Variants in KDR observed in about 807,000 individuals in gnomAD.
KDR encodes kinase insert domain receptor, also known as vascular endothelial growth factor receptor 2.
In KDR, 43 loss-of-function variants were observed where a neutral mutation model predicts 160.9. The observed-to-expected ratio is 0.27, with a 90% confidence interval of 0.21 to 0.34. The LOEUF (loss-of-function observed/expected upper bound fraction) is 0.34. KDR is among the 10% of genes least tolerant of loss of function. KDR has a pLI of 1.00. For synonymous variants in KDR, 617 were observed against 600.1 expected (o/e 1.03, Z -0.41); for missense variants, 1,469 against 1,666.4 (o/e 0.88, Z 2.06).
intron 22 of KDR, chr4:55,092,386 C>A: frequency 1.9e-6 from 1 of 528,896 alleles, no homozygotes; most frequent in South Asian, 2.0e-5. Context: ...CAGAAGACTG[C>A]CTCACACTTA....
intron 11 of KDR, 23 bp from the exon 12 acceptor site, chr4:55,105,963 C>T: frequency 1.3e-6 from 2 of 1,495,330 alleles, no homozygotes; most frequent in Non-Finnish European, 1.9e-6. Flanking sequence ...AAAACAAATC[C>T]CAGGCCATAA....
intron 1 of KDR, among the ~76,000 whole-genome samples, chr4:55,123,528 A>G (rs1720950378): frequency 6.6e-6 from 1 of 152,220 alleles, no homozygotes; most frequent in Non-Finnish European, 1.5e-5. Context: ...TATTCTAGAG[A>G]CACGTTTACA....
chr4:55,082,505 T>C, intron 28 of KDR, 31 bp downstream of exon 28: 1 of 1,463,392 alleles, frequency 6.8e-7, no homozygotes, highest in African/African-American at 1.4e-5. Context: ...TTTGTATTAT[T>C]TCTAAGACTA....
intron 27 of KDR, among the ~76,000 whole-genome samples, chr4:55,084,545 G>A (rs1205627348): frequency 6.6e-6 from 1 of 152,166 alleles, no homozygotes; most frequent in Non-Finnish European, 1.5e-5. Flanking sequence ...AGACAATGGT[G>A]CATCTGTTTC....
At chr4:55,095,545 C>T (rs1173477559) in intron 20 of KDR, 32 bp downstream of exon 20, 2 of 1,476,254 alleles carry the variant, frequency 1.4e-6, no homozygotes, top group African/African-American at 2.8e-5. Context: ...CATTTTATAA[C>T]ATGGCCAGAG....
chr4:55,092,204 G>C (rs1419389954), intron 22 of KDR: 8 of 268,622 alleles, frequency 3.0e-5, no homozygotes, highest in Non-Finnish European at 2.2e-5. Context: ...CATTGCTCCT[G>C]TGTATTCTAT....
At chr4:55,096,055 C>T (rs1720144551) in intron 19 of KDR, among the ~76,000 whole-genome samples, 174 bp downstream of exon 19, 1 of 152,150 alleles carries the variant, frequency 6.6e-6, no homozygotes. Context: ...GAAAGTTTTA[C>T]AATAATTTAA....
intron 7 of KDR, among the ~76,000 whole-genome samples, chr4:55,111,958 A>G (rs1720595338): frequency 1.3e-5 from 2 of 152,242 alleles, no homozygotes; most frequent in African/African-American, 2.4e-5. Flanking sequence ...GCATTATCTA[A>G]GGTATTTTTA....
chr4:55,114,897 A>G lies in KDR; in HGVS notation c.635T>C (p.Ile212Thr), dbSNP rs576918743. 1 of 1,613,744 alleles carries G rather than the reference A, an allele frequency of 6.2e-7. No individual in the cohort carries two copies. Among genetic ancestry groups the G allele is most frequent in the South Asian group, 1.1e-5 (1 of 91,068 alleles). Residue 212 changes from isoleucine (I) to threonine (T), a missense_variant, in exon 5 of 30, where the codon ATT becomes ACT. Around this residue, in one of 7 missense-constraint regions of KDR, gnomAD observed 792 missense variants for 840.9 expected, o/e 0.94. Transcript: ENST00000263923. ...ACCTACAACGACAACTATGTACATA[A>G]TAGACTGGTAACTTTCATCATTAAT... is the stretch of plus-strand genomic sequence containing the variant. ...AKINDESYQS[I>T]MYIVVVVGYR...
intron 27 of KDR, among the ~76,000 whole-genome samples, chr4:55,085,920 A>G (rs549923727): frequency 6.6e-6 from 1 of 152,320 alleles, no homozygotes; most frequent in South Asian, 2.1e-4. Flanking sequence ...CCATATGCAA[A>G]GCACCCGGTG....
rs1056932414 is a variant in KDR at position 55,079,848 on chromosome 4, G to A, written c.*93C>T. The A allele has an allele frequency of 9.8e-6, 11 of 1,123,708 alleles. No individual in the cohort carries two copies. Among genetic ancestry groups the A allele is most frequent in the South Asian group, 3.7e-5 (3 of 80,944 alleles). 69.6% of individuals were successfully genotyped at this position (1,123,708 alleles called of 1,614,324 possible). The stretch of plus-strand genomic sequence containing the variant: ...TGTTGTCGAAATGAAAATCAAATGC[G>A]GCTACTTCCTGCTGGTGGAAAGAAC... On this transcript the variant is annotated 3_prime_UTR_variant, in exon 30 of 30. Transcript: ENST00000263923.
intron 3 of KDR, among the ~76,000 whole-genome samples, chr4:55,117,157 C>T (rs1323384344): frequency 2.6e-5 from 4 of 152,124 alleles, no homozygotes; most frequent in Admixed American, 6.5e-5. Flanking sequence ...AATTCTATTT[C>T]GGTATCTCAA....
In KDR at chr4:55,110,780, TA is replaced by T. The variant is rs5858314; in HGVS notation, c.977-13del. ...AACAAAAGGTTTTTCTGGAAGAAAATAAAAAAAAAAAAAGGTCAACTTACTG... is the reference window on the plus strand; with the variant it reads ...AACAAAAGGTTTTTCTGGAAGAAAATAAAAAAAAAAAAGGTCAACTTACTG... On this transcript the variant is annotated splice_polypyrimidine_tract_variant and intron_variant, in intron 7 of 29. Transcript: ENST00000263923. 0.025 allele frequency: 33,166 copies of T among 1,317,626 alleles called. 1 individual carries two copies. Among genetic ancestry groups the T allele is most frequent in the South Asian group, 0.053 (3,745 of 70,454 alleles). The allele number at this position is 1,317,626 out of a possible 1,614,324, so 81.6% of individuals were successfully genotyped here.
At chr4:55,113,167 G>C (rs976342802) in intron 7 of KDR, 137 bp downstream of exon 7, 1 of 891,376 alleles carries the variant, frequency 1.1e-6, no homozygotes, top group Non-Finnish European at 1.8e-6. Context: ...TTGACCTCTA[G>C]GTCATGTGGC....
intron 1 of KDR, among the ~76,000 whole-genome samples, chr4:55,123,925 TTAC>T (rs756756130): frequency 1.3e-5 from 2 of 152,194 alleles, no homozygotes; most frequent in African/African-American, 4.8e-5. Context: ...CGGCCTGCCG[TTAC>T]TACTACGCTA....
rs980983173 is a variant in KDR at position 55,090,985 on chromosome 4, G to C, written c.3070-907C>G. Among the ~76,000 whole-genome samples, 3 of 148,874 alleles carry C rather than the reference G, an allele frequency of 2.0e-5. No homozygotes were observed. In the Admixed American group the frequency reaches 2.1e-4, roughly 10 times the overall value. On this transcript the variant is annotated intron_variant, in intron 22 of 29. Transcript: ENST00000263923. ...TTCTCCTGCCTCTGCCTCCCAAGTA[G>C]TTGGGACCACAGGTGTGCCACCACG...
chr4:55,092,474 C>A, intron 22 of KDR, 143 bp downstream of exon 22: 1 of 705,286 alleles, frequency 1.4e-6, no homozygotes, highest in Middle Eastern at 2.4e-4. Context: ...AGAAACAGAG[C>A]CTCCCCAGTA....
chr4:55,089,024 C>T lies in KDR; in HGVS notation c.3405-51G>A, dbSNP rs1449163608. The T allele has an allele frequency of 5.3e-6, 7 of 1,325,874 alleles. No individual in the cohort carries two copies. The South Asian group carries it at 7.2e-5, about 14-fold the overall frequency. The allele number at this position is 1,325,874 out of a possible 1,614,324, so 82.1% of individuals were successfully genotyped here. On this transcript the variant is annotated intron_variant, in intron 25 of 29. Transcript: ENST00000263923. ...TTAAATGCCTCTTTCTTCCTGAATG[C>T]TGAAAATAAGCACTTAAATGAGTAC...
chr4:55,120,244 C>A (rs978864956), intron 2 of KDR, among the ~76,000 whole-genome samples: 1 of 152,100 alleles, frequency 6.6e-6, no homozygotes, highest in Non-Finnish European at 1.5e-5. Context: ...AATAACCTAC[C>A]CAAGGTCCTT....
Sources: gnomAD v4.1 joint callset for allele counts (sites outside exome capture counted in the v4.1 genomes callset) on GRCh38, gnomAD v4.1.1 for gene constraint, gnomAD v4.1.1 regional missense constraint, MANE v1.5 for transcripts, NCBI Gene and HGNC (gene_info 2026-07-23, HGNC 2026-07-21) for gene names.